The following CBFA2T2 variants were observed in gnomAD, a reference collection of about 807,000 sequenced individuals.
CBFA2T2 encodes the protein protein CBFA2T2.
In CBFA2T2, 11 loss-of-function variants were observed where a neutral mutation model predicts 62.2. The ratio of observed to expected loss-of-function variants is 0.18; its 90% CI spans 0.11 to 0.29. The LOEUF (loss-of-function observed/expected upper bound fraction) is 0.29, where lower values mean the gene tolerates loss of function less well. Among genes scored for constraint, CBFA2T2 ranks in the 10% least tolerant of loss-of-function variants. The pLI is 1.00. For missense variants in CBFA2T2, 592 were observed against 774.1 expected, an observed-to-expected ratio of 0.76 and a Z score of 2.79; for synonymous variants, 295 against 287.5, an observed-to-expected ratio of 1.03 and a Z score of -0.27.
chr20:33,500,147 G>A (rs1016911903), intron 1 of CBFA2T2, among the ~76,000 whole-genome samples: 1 of 151,688 alleles, frequency 6.6e-6, no homozygotes, highest in African/African-American at 2.4e-5. Context: ...TAGTAAAGAC[G>A]GGGTTTCACC....
rs375489725 is a variant in CBFA2T2 at position 33,623,111 on chromosome 20, C to T, written c.511-4C>T. The T allele has an allele frequency of 5.4e-5, 87 of 1,614,158 alleles. 1 individual carries two copies. The South Asian group carries it at 9.0e-4, about 17-fold the overall frequency. ...CACTGGAAAAACTGCCTCTTCCTTTCAAGGCCAACCTGCCCCTGCTGCAGC... is the reference window on the plus strand; with the variant it reads ...CACTGGAAAAACTGCCTCTTCCTTTTAAGGCCAACCTGCCCCTGCTGCAGC... On this transcript the variant is annotated splice_region_variant and splice_polypyrimidine_tract_variant and intron_variant, in intron 4 of 10. Transcript: ENST00000342704.
At chr20:33,604,660 A>G (rs1469288872) in intron 1 of CBFA2T2, among the ~76,000 whole-genome samples, 3 of 152,204 alleles carry the variant, frequency 2.0e-5, no homozygotes, top group Non-Finnish European at 2.9e-5. Flanking sequence ...TTATTCTGCC[A>G]AGTGCTGACT....
chr20:33,616,669 G>C lies in CBFA2T2; in HGVS notation c.421-2848G>C, dbSNP rs148855957. The stretch of plus-strand genomic sequence containing the variant: ...TTGAACCTGGGAGGCTGAGGTTGCA[G>C]TGAGCTGAGATCACACCACTGCACT... On this transcript the variant is annotated intron_variant, in intron 3 of 10. Transcript: ENST00000342704. Among the ~76,000 whole-genome samples the C allele has an allele frequency of 3.4e-3, 515 of 151,658 alleles. 3 individuals are homozygous for C. Among genetic ancestry groups the C allele is most frequent in the African/African-American group, 0.012 (493 of 41,320 alleles).
chr20:33,541,582 C>T (rs1377036007), intron 1 of CBFA2T2, among the ~76,000 whole-genome samples: 1 of 152,204 alleles, frequency 6.6e-6, no homozygotes, highest in Admixed American at 6.5e-5. Flanking sequence ...CACTTATGAC[C>T]TACACATTTT....
intron 9 of CBFA2T2, among the ~76,000 whole-genome samples, chr20:33,637,887 G>T (rs1165058142): frequency 6.7e-6 from 1 of 149,980 alleles, no homozygotes; most frequent in East Asian, 2.0e-4. Flanking sequence ...GGCTGGTCTC[G>T]AACTCCTGAT....
chr20:33,604,734 T>C (rs558178765), intron 1 of CBFA2T2, among the ~76,000 whole-genome samples: 6 of 152,324 alleles, frequency 3.9e-5, no homozygotes, highest in African/African-American at 1.4e-4. Context: ...TAGAGCCAGG[T>C]GGTCTGAAGA....
chr20:33,587,468 G>A (rs536073695), intron 1 of CBFA2T2, among the ~76,000 whole-genome samples: 6 of 151,864 alleles, frequency 4.0e-5, no homozygotes, highest in African/African-American at 7.2e-5. Context: ...GGCTTTCACC[G>A]TGTTAGCCAG....
At chr20:33,631,191 G>A (rs1479045661) in intron 8 of CBFA2T2, among the ~76,000 whole-genome samples, 1 of 152,310 alleles carries the variant, frequency 6.6e-6, no homozygotes. Context: ...GCGGACGCCT[G>A]TACTCCCAGC....
rs1035677915 is a variant in CBFA2T2 at position 33,644,834 on chromosome 20, G to A, written c.*188G>A. The A allele has an allele frequency of 3.4e-5, 22 of 643,752 alleles. No homozygotes were observed. In the Middle Eastern group the frequency reaches 1.3e-3, roughly 38 times the overall value. 39.9% of individuals were successfully genotyped at this position (643,752 alleles called of 1,614,324 possible). A position where few individuals can be genotyped will look rare whatever the true frequency, so the allele number is the denominator to read the frequency against. On this transcript the variant is annotated 3_prime_UTR_variant, in exon 11 of 11. Transcript: ENST00000342704. Reference sequence around the variant, plus strand: ...TGTGCACTTGCTGTCTGCGGAGCCAGTGTGCCATTCTCTGCACATGGGCAG... The same window carrying A: ...TGTGCACTTGCTGTCTGCGGAGCCAATGTGCCATTCTCTGCACATGGGCAG...
chr20:33,519,339 A>G (rs1053938291), intron 1 of CBFA2T2, among the ~76,000 whole-genome samples: 1 of 152,062 alleles, frequency 6.6e-6, no homozygotes, highest in Non-Finnish European at 1.5e-5. Context: ...GTGCAGTGGC[A>G]TATGCCTGTA....
chr20:33,623,350 C>T (rs1425991444), intron 5 of CBFA2T2, 54 bp downstream of exon 5: 2 of 1,583,800 alleles, frequency 1.3e-6, no homozygotes, highest in Admixed American at 3.4e-5. Flanking sequence ...CTGGTCCTCC[C>T]CTTTGCTTAT....
intron 10 of CBFA2T2, among the ~76,000 whole-genome samples, chr20:33,642,679 G>A (rs2016901291): frequency 6.6e-6 from 1 of 152,112 alleles, no homozygotes. Flanking sequence ...TTGTTTTTGA[G>A]AGTGAGATAT....
intron 10 of CBFA2T2, among the ~76,000 whole-genome samples, chr20:33,642,372 T>C (rs2016890478): frequency 1.3e-5 from 2 of 152,186 alleles, no homozygotes; most frequent in South Asian, 4.1e-4. Context: ...GAGGCCAAGG[T>C]AGTGTGAACA....
intron 1 of CBFA2T2, among the ~76,000 whole-genome samples, chr20:33,528,795 C>A (rs1257574579): frequency 6.6e-6 from 1 of 152,126 alleles, no homozygotes; most frequent in East Asian, 1.9e-4. Flanking sequence ...CCACTTTGGC[C>A]TCCAAAGTGT....
intron 1 of CBFA2T2, among the ~76,000 whole-genome samples, chr20:33,543,283 TA>T (rs10716550): frequency 0.29 from 44,616 of 151,982 alleles, 6,701 homozygotes; most frequent in East Asian, 0.35. Context: ...GTGCTGGGAT[TA>T]CAGGCGTGAG....
chr20:33,598,663 A>T (rs1226682177), intron 1 of CBFA2T2, among the ~76,000 whole-genome samples: 1 of 152,206 alleles, frequency 6.6e-6, no homozygotes, highest in Non-Finnish European at 1.5e-5. Context: ...AGCTGACAGG[A>T]TTAAGAGATT....
At chr20:33,564,101 T>C (rs563490809) in intron 1 of CBFA2T2, among the ~76,000 whole-genome samples, 4 of 152,266 alleles carry the variant, frequency 2.6e-5, no homozygotes, top group East Asian at 1.9e-4. Flanking sequence ...AATTCTACCA[T>C]TTCTCAAATA....
intron 1 of CBFA2T2, among the ~76,000 whole-genome samples, chr20:33,537,526 A>G (rs2012298225): frequency 6.6e-6 from 1 of 152,140 alleles, no homozygotes; most frequent in East Asian, 1.9e-4. Flanking sequence ...TGAGAGGGAG[A>G]GGGAGAGCTC....
chr20:33,591,050 C>T (rs1011440476), intron 1 of CBFA2T2, among the ~76,000 whole-genome samples: 2 of 150,674 alleles, frequency 1.3e-5, no homozygotes, highest in African/African-American at 4.9e-5. Context: ...TGGTGGCAGG[C>T]ATCTGTTAAT....
Sources: gnomAD v4.1 joint callset for allele counts (sites outside exome capture counted in the v4.1 genomes callset) on GRCh38, gnomAD v4.1.1 for gene constraint, MANE v1.5 for transcripts, NCBI Gene and HGNC (gene_info 2026-07-23, HGNC 2026-07-21) for gene names.